The following MGAM variants were observed in gnomAD, a reference collection of about 807,000 sequenced individuals.
MGAM encodes maltase-glucoamylase, also known as alpha-1,4-glucosidase.
A neutral mutation model predicts 358.8 loss-of-function variants in MGAM; 253 were observed. The ratio of observed to expected loss-of-function variants is 0.71; its 90% confidence interval spans 0.64 to 0.78. The LOEUF (loss-of-function observed/expected upper bound fraction) is 0.78. MGAM is among the 30% of genes least tolerant of loss of function. MGAM has a pLI of 0.00. For synonymous variants in MGAM, 1,105 were observed against 1,227.1 expected (o/e 0.90, Z 2.08); for missense variants, 3,080 against 3,432.6 (o/e 0.90, Z 2.57).
intron 22 of MGAM, among the ~76,000 whole-genome samples, chr7:142,048,454 C>G (rs1232399038): frequency 9.9e-6 from 1 of 100,920 alleles, no homozygotes; most frequent in Non-Finnish European, 2.5e-5. Flanking sequence ...GGCCAATAGG[C>G]TCTCTTTTTA....
rs1807506531 is a variant in MGAM at position 142,031,681 on chromosome 7, T to C, written c.1472T>C (p.Val491Ala). 1.2e-6 allele frequency: 2 copies of C among 1,603,504 alleles called. No homozygotes were observed. The highest frequency in any genetic ancestry group is 1.7e-6 in the Non-Finnish European group (2 of 1,171,288). Residue 491 changes from valine to alanine, a missense_variant and splice_region_variant, in exon 13 of 71, where the codon GTC becomes GCC. By Grantham distance (64) the Val-to-Ala change is moderately conservative (BLOSUM62 0). Transcript: ENST00000475668. ...AGTGTTTTTCTTTTTCTCCTGAAGG[T>C]CTGGCCTGGACAAACTGTGTTTCCT... Reference protein sequence around the residue: ...SDGVTPLIGEVWPGQTVFPDY... With the variant: ...SDGVTPLIGEAWPGQTVFPDY...
chr7:142,063,878 A>G (rs1289794693), intron 36 of MGAM, among the ~76,000 whole-genome samples: 3 of 152,202 alleles, frequency 2.0e-5, no homozygotes, highest in African/African-American at 4.8e-5. Context: ...TGTGAATTCC[A>G]TCACAGGAAT....
chr7:142,102,120 T>G (rs188923204), intron 68 of MGAM, among the ~76,000 whole-genome samples: 70 of 152,242 alleles, frequency 4.6e-4, no homozygotes, highest in African/African-American at 1.5e-3. Context: ...CAAAGAAGGC[T>G]TTTCTTTGAT....
At chr7:142,104,277 T>C (rs1434675624) in intron 70 of MGAM, among the ~76,000 whole-genome samples, 1 of 152,224 alleles carries the variant, frequency 6.6e-6, no homozygotes, top group Non-Finnish European at 1.5e-5. Context: ...ACATTGATGA[T>C]TCTGCCTCAA....
rs1289128110 is a variant in MGAM at position 142,074,187 on chromosome 7, C to A, written c.5275+14C>A. The A allele has an allele frequency of 6.7e-7, 1 of 1,492,868 alleles. No individual in the cohort carries two copies. The highest frequency in any genetic ancestry group is 1.8e-5 in the Admixed American group (1 of 57,046). The allele number at this position is 1,492,868 out of a possible 1,614,324, so 92.5% of individuals were successfully genotyped here. On this transcript the variant is annotated intron_variant, in intron 45 of 70. Coordinates refer to ENST00000475668, the MANE Select transcript of MGAM (RefSeq NM_001365693.1). ...GGCAAACAAAGGGTGAGCGCTGTTA[C>A]AATAATGTTGCTGTTTCCCAACCTG... is the stretch of plus-strand genomic sequence containing the variant.
At position 142,094,814 on chromosome 7, in the gene MGAM, T is replaced by C. The variant is rs1329111535; in HGVS notation, c.7409T>C (p.Leu2470Pro). Residue 2470 changes from leucine to proline, a missense_variant, in exon 63 of 71, where the codon CTG becomes CCG. Physicochemically the swap from Leu to Pro is moderately conservative, Grantham distance 98 (BLOSUM62 -3). This residue lies in a region of MGAM where 932 missense variants were observed against 1,198.2 expected (regional missense o/e 0.78). Coordinates refer to ENST00000475668, the MANE Select transcript of MGAM (RefSeq NM_001365693.1). ...GAGATGTGTGTTCGCTGGATGCAGC[T>C]GGGGGCCTTTTACCCCTTCTCAAGA... ...EYEMCVRWMQLGAFYPFSRNH... is the reference protein window; with the variant it reads ...EYEMCVRWMQPGAFYPFSRNH... The C allele has an allele frequency of 3.1e-6, 5 of 1,613,964 alleles. No homozygotes were observed. The highest frequency in any genetic ancestry group is 4.2e-6 in the Non-Finnish European group (5 of 1,179,888).
chr7:142,062,564 A>C lies in MGAM; in HGVS notation c.4123-4A>C, dbSNP rs1812318953. ...GACAAAGAAATTATATTTCTTTTTTATAGCTATATCGAGCTTATGTGGCCT... is the reference window on the plus strand; with the variant it reads ...GACAAAGAAATTATATTTCTTTTTTCTAGCTATATCGAGCTTATGTGGCCT... On this transcript the variant is annotated splice_polypyrimidine_tract_variant and splice_region_variant and intron_variant, in intron 34 of 70. Transcript: ENST00000475668. 6.5e-7 allele frequency: 1 copy of C among 1,550,260 alleles called. No individual in the cohort carries two copies. Among genetic ancestry groups the C allele is most frequent in the African/African-American group, 1.4e-5 (1 of 72,206 alleles).
chr7:142,084,745 T>C, intron 54 of MGAM, 101 bp downstream of exon 54: 1 of 1,421,130 alleles, frequency 7.0e-7, no homozygotes, highest in Non-Finnish European at 9.6e-7. Context: ...AAAGACATAA[T>C]GTTCTTTTTC....
At chr7:142,045,297 A>G (rs1283149085) in intron 21 of MGAM, among the ~76,000 whole-genome samples, 1 of 111,458 alleles carries the variant, frequency 9.0e-6, no homozygotes, top group African/African-American at 3.7e-5. Context: ...GATATATAAT[A>G]TATATTATAT....
chr7:142,077,847 C>T (rs1332819278), intron 47 of MGAM, among the ~76,000 whole-genome samples: 1 of 144,984 alleles, frequency 6.9e-6, no homozygotes. Flanking sequence ...GCATGATAAC[C>T]AGGTCATATG....
chr7:142,065,433 C>T lies in MGAM; in HGVS notation c.4583C>T (p.Thr1528Met), dbSNP rs370790394. The change falls in exon 38 of 71, where the codon ACG becomes ATG. Residue 1528 changes from threonine (T) to methionine (M), a missense_variant. Physicochemically the swap from Thr to Met is moderately conservative, Grantham distance 81 (BLOSUM62 -1). Transcript: ENST00000475668. ...GCAGGACATTGGCTGGGAGACAACA[C>T]GGCCGCATGGGATCAGCTGAAGAAG... ...RWAGHWLGDNTAAWDQLKKSI... is the reference protein window; with the variant it reads ...RWAGHWLGDNMAAWDQLKKSI... The T allele has an allele frequency of 2.2e-5, 35 of 1,609,610 alleles. No homozygotes were observed. Among genetic ancestry groups the T allele is most frequent in the African/African-American group, 8.0e-5 (6 of 74,982 alleles).
At position 142,062,618 on chromosome 7, in the gene MGAM, C is replaced by T. The variant is rs1812328099; in HGVS notation, c.4173C>T (p.Ala1391=). 1 of 1,611,736 alleles carries T rather than the reference C, an allele frequency of 6.2e-7. No individual in the cohort carries two copies. The highest frequency in any genetic ancestry group is 8.5e-7 in the Non-Finnish European group (1 of 1,178,574). The change falls in exon 35 of 71, where the codon GCC becomes GCT. Residue 1391 remains alanine, a synonymous_variant. Coordinates refer to ENST00000475668, the MANE Select transcript of MGAM (RefSeq NM_001365693.1). The part of the protein sequence containing the change: ...AFPDFFRNST[A]KWWKREIEEL... ...CAGACTTTTTCCGTAATTCAACTGC[C>T]AAGTGGTGGAAGAGGGAAATAGAAG... is the stretch of plus-strand genomic sequence containing the variant.
chr7:142,070,759 C>T (rs575047498), intron 43 of MGAM, among the ~76,000 whole-genome samples: 1 of 146,212 alleles, frequency 6.8e-6, no homozygotes, highest in African/African-American at 2.4e-5. Context: ...ACACATCAGG[C>T]AAATGTAGTT....
rs182641484 is a variant in MGAM, at chr7:142,102,462, G to A, written c.7964-168G>A. Among the ~76,000 whole-genome samples, 43 of 152,256 alleles carry A rather than the reference G, an allele frequency of 2.8e-4. 1 individual carries two copies. Among genetic ancestry groups the A allele is most frequent in the Non-Finnish European group, 5.9e-5 (4 of 68,020 alleles). ...AGGGTTTGATTAGTCTCCATAAAGA[G>A]CACTTACATTTTAAAATAGAACACT... is the stretch of plus-strand genomic sequence containing the variant. On this transcript the variant is annotated intron_variant, in intron 68 of 70. Transcript: ENST00000475668.
intron 30 of MGAM, 115 bp from the exon 31 acceptor site, chr7:142,058,088 T>A (rs1403536184): frequency 9.9e-6 from 15 of 1,519,668 alleles, no homozygotes; most frequent in African/African-American, 1.4e-5. Context: ...TTGGTCTGGA[T>A]TTCAATTAGT....
intron 22 of MGAM, 138 bp from the exon 23 acceptor site, chr7:142,050,097 T>A: frequency 1.3e-6 from 1 of 748,758 alleles, no homozygotes; most frequent in South Asian, 1.6e-5. Flanking sequence ...ACATATACAA[T>A]TGAAAATTAT....
At chr7:142,002,221 A>G (rs192114487) in intron 1 of MGAM, among the ~76,000 whole-genome samples, 6 of 152,234 alleles carry the variant, frequency 3.9e-5, no homozygotes, top group Middle Eastern at 3.4e-3. Context: ...TTTAAAAACT[A>G]ATATAGAAGC....
At chr7:142,103,232 C>A (rs751622779) in intron 69 of MGAM, 37 bp from the exon 70 acceptor site, 3 of 1,492,876 alleles carry the variant, frequency 2.0e-6, no homozygotes, top group Non-Finnish European at 9.0e-7. Context: ...TGAACTAATT[C>A]TGCTATTATA....
chr7:142,040,005 T>C, intron 19 of MGAM, 110 bp from the exon 20 acceptor site: 1 of 830,778 alleles, frequency 1.2e-6, no homozygotes, highest in South Asian at 1.6e-5. Context: ...AAGAAAGGCA[T>C]AATAGCAGGG....
Sources: allele counts gnomAD v4.1 joint callset (sites outside exome capture counted in the v4.1 genomes callset), GRCh38; gene constraint gnomAD v4.1.1; regional missense constraint gnomAD v4.1.1; transcripts MANE v1.5; gene names NCBI Gene and HGNC (gene_info 2026-07-23, HGNC 2026-07-21).